IDO2: variants seen among roughly 807,000 people sequenced by gnomAD.
The protein encoded by IDO2 is indoleamine 2,3-dioxygenase 2, also known as indoleamine 2,3-dioxygenase-like 1 protein.
IDO2 carries 46 observed loss-of-function variants against 45.1 expected under a neutral mutation model. The ratio of observed to expected loss-of-function variants is 1.02; its 90% CI spans 0.80 to 1.30. The LOEUF is 1.30. Ranked by LOEUF, IDO2 falls within the 50% of genes most tolerant of loss-of-function variation. The pLI is 0.00. For missense variants in IDO2, 544 were observed against 491.8 expected, an observed-to-expected ratio of 1.11 and a Z score of -1.00; for synonymous variants, 218 against 184.9, an observed-to-expected ratio of 1.18 and a Z score of -1.45.
chr8:39,987,452 A>G (rs1808442401), intron 6 of IDO2: 2 of 159,858 alleles, frequency 1.3e-5, no homozygotes, highest in African/African-American at 4.8e-5. Flanking sequence ...AGCTGGCTAT[A>G]TGACCTTGGA....
At chr8:39,995,527 C>T (rs1802029647) in intron 8 of IDO2, among the ~76,000 whole-genome samples, 1 of 151,984 alleles carries the variant, frequency 6.6e-6, no homozygotes, top group Non-Finnish European at 1.5e-5. Flanking sequence ...AGTGATCCAC[C>T]TGCCTCGGCC....
chr8:39,991,565 C>CTTTTTT (rs61354300), intron 8 of IDO2, among the ~76,000 whole-genome samples: 27 of 103,332 alleles, frequency 2.6e-4, no homozygotes, highest in African/African-American at 5.8e-4. Context: ...AGACTCACTT[C>CTTTTTT]TTTTTTTTTT....
rs112641061 is a variant in IDO2 at position 40,006,950 on chromosome 8, C to T, written c.719+1572C>T. ...TGTTGGGATTACAGGCTTGAGCCACCACGTCTGGCTGATAACTCTACTTTT... is the reference window on the plus strand; with the variant it reads ...TGTTGGGATTACAGGCTTGAGCCACTACGTCTGGCTGATAACTCTACTTTT... On this transcript the variant is annotated intron_variant, in intron 9 of 10. Coordinates refer to ENST00000502986, the Ensembl canonical transcript of IDO2. Among the ~76,000 whole-genome samples, 46 of 152,200 alleles carry T rather than the reference C, an allele frequency of 3.0e-4. 1 individual carries two copies. The highest frequency in any genetic ancestry group is 1.1e-3 in the African/African-American group (44 of 41,544).
intron 7 of IDO2, among the ~76,000 whole-genome samples, chr8:39,988,351 T>C (rs190157583): frequency 1.5e-3 from 228 of 151,880 alleles, no homozygotes; most frequent in African/African-American, 5.2e-3. Flanking sequence ...TCTTCAGGAG[T>C]CAGACAGGTA....
chr8:40,011,013 C>T (rs1044036820), intron 9 of IDO2, among the ~76,000 whole-genome samples: 5 of 152,160 alleles, frequency 3.3e-5, no homozygotes, highest in Middle Eastern at 3.2e-3. Context: ...TGGGTTCAAG[C>T]GATACTCCTG....
intron 4 of IDO2, among the ~76,000 whole-genome samples, chr8:39,980,602 A>T (rs192092352): frequency 6.6e-6 from 1 of 151,626 alleles, no homozygotes; most frequent in African/African-American, 2.4e-5. Flanking sequence ...ATGTCCTAGA[A>T]CTCCACGGTG....
At chr8:39,956,638 T>C (rs1247030857) in intron 2 of IDO2, among the ~76,000 whole-genome samples, 1 of 152,210 alleles carries the variant, frequency 6.6e-6, no homozygotes, top group Non-Finnish European at 1.5e-5. Context: ...GATTTTTTCT[T>C]ATTCCCTGTT....
chr8:39,945,814 T>C (rs1481463108), intron 1 of IDO2, among the ~76,000 whole-genome samples: 1 of 152,150 alleles, frequency 6.6e-6, no homozygotes, highest in Admixed American at 6.6e-5. Flanking sequence ...TTTGCAAAAT[T>C]ATGACTGAGA....
At chr8:39,964,839 C>T (rs1048453677) in intron 3 of IDO2, among the ~76,000 whole-genome samples, 6 of 152,164 alleles carry the variant, frequency 3.9e-5, no homozygotes, top group Non-Finnish European at 8.8e-5. Flanking sequence ...TTTTTTTGAA[C>T]GTATTAAGCA....
chr8:40,015,564 G>A (rs756438349), exon 11 of IDO2: 1 of 1,613,798 alleles, frequency 6.2e-7, no homozygotes, highest in Non-Finnish European at 8.5e-7. Context: ...GAGTGTCAGG[G>A]ATAAGACCTT....
rs138359187 is a variant in IDO2 at position 39,988,554 on chromosome 8, C to T, written c.549+584C>T. On this transcript the variant is annotated intron_variant, in intron 7 of 10. Coordinates refer to ENST00000502986, the Ensembl canonical transcript of IDO2. ...TCAAGCAATTCTCCTCCCTCAGCCT[C>T]CTAAGTAGTGCACGCCACCACGCCT... Among the ~76,000 whole-genome samples the T allele has an allele frequency of 1.3e-3, 198 of 152,282 alleles. No homozygotes were observed. The Middle Eastern group carries it at 0.014, about 10-fold the overall frequency.
At chr8:40,008,022 T>A (rs1190055226) in intron 9 of IDO2, among the ~76,000 whole-genome samples, 3 of 151,688 alleles carry the variant, frequency 2.0e-5, no homozygotes, top group Non-Finnish European at 4.4e-5. Flanking sequence ...ATGTGTTTTT[T>A]TTTTTCCATC....
chr8:39,951,646 A>G (rs1274874645), intron 2 of IDO2, among the ~76,000 whole-genome samples: 1 of 152,196 alleles, frequency 6.6e-6, no homozygotes, highest in Non-Finnish European at 1.5e-5. Flanking sequence ...AATCCAGTGT[A>G]AGGACCAGAA....
intron 3 of IDO2, 47 bp downstream of exon 3, chr8:39,963,750 A>G (rs1181078836): frequency 8.8e-7 from 1 of 1,131,698 alleles, no homozygotes; most frequent in East Asian, 2.4e-5. Context: ...TCATCATCAT[A>G]CCACTTTTCT....
chr8:40,005,466 C>T (rs952277295), intron 9 of IDO2, 88 bp downstream of exon 9: 12 of 799,684 alleles, frequency 1.5e-5, no homozygotes, highest in African/African-American at 3.4e-5. Flanking sequence ...AGCTTCCTAG[C>T]GTAAGAAACA....
At position 39,984,810 on chromosome 8, in the gene IDO2, G is replaced by A. The variant is rs754089521; in HGVS notation, c.435-698G>A. On this transcript the variant is annotated intron_variant, in intron 5 of 10. Transcript: ENST00000502986. Reference sequence around the variant, plus strand: ...GGCTTTACAAGTCAGTAAAAATCTTGGTGATGAGGCAGAACTTGATGTAAG... The same window carrying A: ...GGCTTTACAAGTCAGTAAAAATCTTAGTGATGAGGCAGAACTTGATGTAAG... 73 of 346,070 alleles carry A rather than the reference G, an allele frequency of 2.1e-4. 1 individual carries two copies. Among genetic ancestry groups the A allele is most frequent in the South Asian group, 1.2e-3 (50 of 43,440 alleles). 21.4% of individuals were successfully genotyped at this position (346,070 alleles called of 1,614,324 possible). A position where few individuals can be genotyped will look rare whatever the true frequency, so the allele number is the denominator to read the frequency against.
intron 10 of IDO2, 53 bp downstream of exon 10, chr8:40,013,766 T>A: frequency 8.7e-7 from 1 of 1,145,396 alleles, no homozygotes; most frequent in Non-Finnish European, 1.1e-6. Flanking sequence ...AGAGGAGAGG[T>A]GTTTTTTTTT....
chr8:39,999,903 C>G (rs369811894), intron 8 of IDO2, among the ~76,000 whole-genome samples: 1 of 152,308 alleles, frequency 6.6e-6, no homozygotes, highest in East Asian at 1.9e-4. Context: ...CCATGGGATA[C>G]TTTTGGTGAG....
At chr8:39,978,041 A>G (rs1397053425) in intron 3 of IDO2, among the ~76,000 whole-genome samples, 1 of 152,164 alleles carries the variant, frequency 6.6e-6, no homozygotes, top group Non-Finnish European at 1.5e-5. Context: ...TATTCATTCT[A>G]TCTAGCTGTA....
Sources: allele counts gnomAD v4.1 joint callset (sites outside exome capture counted in the v4.1 genomes callset), GRCh38; gene constraint gnomAD v4.1.1; transcripts MANE v1.5; gene names NCBI Gene and HGNC (gene_info 2026-07-23, HGNC 2026-07-21).